The following SOX5 variants were observed in gnomAD, a reference collection of about 807,000 sequenced individuals.
SOX5 encodes the protein transcription factor SOX-5.
In SOX5, 9 loss-of-function variants were observed where a neutral mutation model predicts 92.0. That is an observed-to-expected ratio of 0.10 (90% CI 0.06 to 0.17). The LOEUF (loss-of-function observed/expected upper bound fraction) is 0.17. Ranked by LOEUF, SOX5 falls within the 10% of genes least tolerant of loss-of-function variation. The pLI, the probability that SOX5 is intolerant of heterozygous loss-of-function variation, is 1.00. For missense variants in SOX5, 642 were observed against 944.5 expected (o/e 0.68, Z 4.20); for synonymous variants, 344 against 336.3 (o/e 1.02, Z -0.25).
chr12:24,376,625 A>G (rs766048687), intron 1 of SOX5, among the ~76,000 whole-genome samples: 1 of 148,338 alleles, frequency 6.7e-6, no homozygotes, highest in Non-Finnish European at 1.5e-5. Context: ...ATGAGTAGGC[A>G]ATGTGCTAAG....
intron 1 of SOX5, among the ~76,000 whole-genome samples, chr12:24,392,224 G>A (rs1457975509): frequency 6.6e-6 from 1 of 152,038 alleles, no homozygotes; most frequent in East Asian, 1.9e-4. Context: ...CTCCCTGTTC[G>A]AGTCTTATCC....
chr12:24,294,459 T>C (rs1313034500), intron 2 of SOX5, among the ~76,000 whole-genome samples: 1 of 152,234 alleles, frequency 6.6e-6, no homozygotes, highest in East Asian at 1.9e-4. Flanking sequence ...CTTTAGTTTC[T>C]TGTTTCCACT....
chr12:24,507,163 G>T (rs1165071728), intron 1 of SOX5, among the ~76,000 whole-genome samples: 24 of 151,832 alleles, frequency 1.6e-4, no homozygotes, highest in Admixed American at 1.6e-3. Flanking sequence ...ATTGATTTAG[G>T]CAATAATCAT....
intron 2 of SOX5, among the ~76,000 whole-genome samples, chr12:23,849,273 A>G (rs2096605710): frequency 6.6e-6 from 1 of 152,222 alleles, no homozygotes; most frequent in African/African-American, 2.4e-5. Context: ...TTAAGTTCAT[A>G]CTTAGAAACA....
chr12:23,861,125 C>T (rs2096752944), intron 2 of SOX5, among the ~76,000 whole-genome samples: 1 of 151,968 alleles, frequency 6.6e-6, no homozygotes, highest in Admixed American at 6.6e-5. Flanking sequence ...AAAAAGATAT[C>T]ATTGTAAAAC....
chr12:23,880,553 T>C (rs1325947356), intron 2 of SOX5, among the ~76,000 whole-genome samples: 1 of 152,158 alleles, frequency 6.6e-6, no homozygotes, highest in East Asian at 1.9e-4. Flanking sequence ...ATCTCAACTT[T>C]CTCTCTCTTT....
chr12:24,218,128 A>T (rs1565680369), intron 3 of SOX5, among the ~76,000 whole-genome samples: 1 of 152,226 alleles, frequency 6.6e-6, no homozygotes, highest in Non-Finnish European at 1.5e-5. Flanking sequence ...TCCTAAGTGT[A>T]TACCCAAGAG....
chr12:23,604,486 C>T lies in SOX5; in HGVS notation c.1065G>A (p.Gly355=), dbSNP rs1566239535. ...QLAAMQVSPG[G]KLPGIPQGNL... ...TGCCTTGGGGTATGCCTGGCAGCTT[C>T]CCTCCTGGAGATACCTGCATTGCAG... The change falls in exon 9 of 15, where the codon GGG becomes GGA. Residue 355 remains glycine, a synonymous_variant. Coordinates refer to ENST00000451604, the MANE Select transcript of SOX5 (RefSeq NM_006940.6). 9.9e-6 allele frequency: 16 copies of T among 1,613,630 alleles called. No individual in the cohort carries two copies. The East Asian group carries it at 3.6e-4, about 36-fold the overall frequency.
intron 4 of SOX5, among the ~76,000 whole-genome samples, chr12:24,013,776 T>C (rs745738395): frequency 2.0e-5 from 3 of 152,220 alleles, no homozygotes; most frequent in Non-Finnish European, 4.4e-5. Flanking sequence ...CCATAAAATA[T>C]AGTAAATATT....
chr12:24,044,535 G>C (rs1956817128), intron 4 of SOX5, among the ~76,000 whole-genome samples: 1 of 152,124 alleles, frequency 6.6e-6, no homozygotes, highest in African/African-American at 2.4e-5. Flanking sequence ...CAGAGTCTTT[G>C]GGTATGCAAC....
intron 2 of SOX5, among the ~76,000 whole-genome samples, chr12:24,296,930 G>GACAC (rs34848004): frequency 1.7e-3 from 253 of 148,198 alleles, no homozygotes; most frequent in Non-Finnish European, 2.0e-3. Context: ...TAGACAGACA[G>GACAC]ACACACACAC....
At chr12:23,608,108 G>GAAAAAAAAAAA (rs1566278538) in intron 8 of SOX5, among the ~76,000 whole-genome samples, 4 of 5,676 alleles carry the variant, frequency 7.0e-4, no homozygotes, top group African/African-American at 1.0e-3. Flanking sequence ...TGTCTCAAAA[G>GAAAAAAAAAAA]AAAAAAGAAA....
intron 1 of SOX5, among the ~76,000 whole-genome samples, chr12:24,530,465 G>C (rs1239622173): frequency 1.3e-5 from 2 of 152,030 alleles, no homozygotes; most frequent in African/African-American, 4.8e-5. Flanking sequence ...AATATGTAGA[G>C]CTCCCCTAAA....
At chr12:24,071,023 C>T (rs1022482600) in intron 4 of SOX5, among the ~76,000 whole-genome samples, 3 of 152,166 alleles carry the variant, frequency 2.0e-5, no homozygotes, top group African/African-American at 4.8e-5. Flanking sequence ...TGTACATTAT[C>T]TTATTTTAAA....
In SOX5 at chr12:24,506,829, C is replaced by T. The variant is rs529023114; in HGVS notation, c.-251+55500G>A. ...TTTGGAGACGGGAGTCTCGCTCTGT[C>T]GCCCAGGCTGGAGTGCAGTGGCGCG... On this transcript the variant is annotated intron_variant, in intron 1 of 4. Coordinates refer to the SOX5 transcript ENST00000446891. Among the ~76,000 whole-genome samples the T allele has an allele frequency of 6.3e-3, 673 of 107,560 alleles. 8 individuals carry two copies. The highest frequency in any genetic ancestry group is 0.03 in the Admixed American group (228 of 7,544). 70.6% of individuals were successfully genotyped at this position (107,560 alleles called of 152,430 possible).
intron 3 of SOX5, among the ~76,000 whole-genome samples, chr12:24,267,435 C>T (rs1426153828): frequency 1.3e-5 from 2 of 152,086 alleles, no homozygotes; most frequent in South Asian, 2.1e-4. Context: ...AAACACAATT[C>T]ATAATTATGA....
At chr12:24,088,999 A>G (rs1944334291) in intron 4 of SOX5, among the ~76,000 whole-genome samples, 1 of 152,100 alleles carries the variant, frequency 6.6e-6, no homozygotes, top group African/African-American at 2.4e-5. Flanking sequence ...GACGCCTACA[A>G]TAAAAGTGCT....
intron 2 of SOX5, among the ~76,000 whole-genome samples, chr12:24,366,438 C>A (rs1022197492): frequency 1.4e-4 from 21 of 152,200 alleles, no homozygotes; most frequent in African/African-American, 4.8e-4. Flanking sequence ...CAGCTTGAAG[C>A]CTGAGAGGAT....
At chr12:24,064,080 C>T (rs1203787468) in intron 4 of SOX5, among the ~76,000 whole-genome samples, 2 of 152,156 alleles carry the variant, frequency 1.3e-5, no homozygotes, top group East Asian at 3.9e-4. Context: ...AGTTCTTATG[C>T]TTAACACGGG....
Sources: gnomAD v4.1 joint callset for allele counts (sites outside exome capture counted in the v4.1 genomes callset) on GRCh38, gnomAD v4.1.1 for gene constraint, MANE v1.5 for transcripts, NCBI Gene and HGNC (gene_info 2026-07-23, HGNC 2026-07-21) for gene names.